DDX31: variants seen among roughly 807,000 people sequenced by gnomAD.
The protein encoded by DDX31 is ATP-dependent DNA helicase DDX31.
DDX31 carries 70 observed loss-of-function variants against 91.3 expected under a neutral mutation model. The ratio of observed to expected loss-of-function variants is 0.77; its 90% confidence interval spans 0.63 to 0.94. DDX31 has a LOEUF of 0.94. Among genes scored for constraint, DDX31 ranks in the 40% least tolerant of loss-of-function variants. DDX31 has a pLI of 0.00. For missense variants in DDX31, 902 were observed against 925.0 expected (o/e 0.98, Z 0.32); for synonymous variants, 362 against 350.6 (o/e 1.03, Z -0.36).
chr9:132,619,464 G>C (rs1230794404), intron 17 of DDX31, among the ~76,000 whole-genome samples: 1 of 152,108 alleles, frequency 6.6e-6, no homozygotes, highest in Non-Finnish European at 1.5e-5. Flanking sequence ...ATGAGCGCCT[G>C]CATCTGGCCT....
intron 17 of DDX31, among the ~76,000 whole-genome samples, chr9:132,619,665 T>G (rs1831884772): frequency 6.6e-6 from 1 of 152,208 alleles, no homozygotes; most frequent in Non-Finnish European, 1.5e-5. Flanking sequence ...CTCGCTGATT[T>G]CACAGTTCAA....
chr9:132,641,128 C>T (rs1375830768), intron 14 of DDX31, among the ~76,000 whole-genome samples: 1 of 152,052 alleles, frequency 6.6e-6, no homozygotes, highest in African/African-American at 2.4e-5. Context: ...CATACAGAGA[C>T]TCTACACTTA....
At chr9:132,607,212 C>T (rs1199488157) in intron 19 of DDX31, among the ~76,000 whole-genome samples, 1 of 152,230 alleles carries the variant, frequency 6.6e-6, no homozygotes, top group African/African-American at 2.4e-5. Context: ...TCCTACTGAT[C>T]AGTGCCTGCT....
chr9:132,669,186 AG>A, intron 1 of DDX31, among the ~76,000 whole-genome samples: 1 of 152,168 alleles, frequency 6.6e-6, no homozygotes, highest in African/African-American at 2.4e-5. Flanking sequence ...TAGGATTGGG[AG>A]GGCCTGGAAG....
chr9:132,662,721 C>G (rs908996953), intron 1 of DDX31, 26 bp from the exon 2 acceptor site: 1 of 1,613,212 alleles, frequency 6.2e-7, no homozygotes, highest in Non-Finnish European at 8.5e-7. Flanking sequence ...AAGGAAAGAT[C>G]AACAAGAGAT....
chr9:132,625,116 G>C (rs1832316469), intron 17 of DDX31, among the ~76,000 whole-genome samples: 1 of 152,188 alleles, frequency 6.6e-6, no homozygotes, highest in African/African-American at 2.4e-5. Flanking sequence ...GCAGGAAAGG[G>C]TGTCCAGGGC....
intron 1 of DDX31, among the ~76,000 whole-genome samples, chr9:132,668,882 T>C (rs1327017276): frequency 1.3e-5 from 2 of 152,224 alleles, no homozygotes; most frequent in East Asian, 1.9e-4. Flanking sequence ...CTTGGTTTTA[T>C]ACATTCTAGA....
chr9:132,669,823 C>G, intron 1 of DDX31, 37 bp downstream of exon 1: 1 of 1,538,826 alleles, frequency 6.5e-7, no homozygotes, highest in Non-Finnish European at 8.7e-7. Flanking sequence ...AGCCGGGCCG[C>G]GGGTGGGGAC....
In DDX31 at chr9:132,610,231, C is replaced by A. The variant is rs189092331; in HGVS notation, c.1994+1856G>T. Among the ~76,000 whole-genome samples, 534 of 152,276 alleles carry A rather than the reference C, an allele frequency of 3.5e-3. 2 individuals carry two copies. The highest frequency in any genetic ancestry group is 6.2e-3 in the Non-Finnish European group (423 of 68,030). On this transcript the variant is annotated intron_variant, in intron 19 of 19. Coordinates refer to ENST00000372159, the MANE Select transcript of DDX31 (RefSeq NM_022779.9). Reference sequence around the variant, plus strand: ...ATGGCCCTCTGGGAGGACAGCCTGGCTCGAGCAGAGGATGAGCAGAAACAT... The same window carrying A: ...ATGGCCCTCTGGGAGGACAGCCTGGATCGAGCAGAGGATGAGCAGAAACAT...
chr9:132,659,066 A>G (rs1834767961), intron 5 of DDX31, among the ~76,000 whole-genome samples: 1 of 152,218 alleles, frequency 6.6e-6, no homozygotes, highest in Non-Finnish European at 1.5e-5. Flanking sequence ...CCTCCTTTGA[A>G]GTCCTCCCTA....
intron 14 of DDX31, among the ~76,000 whole-genome samples, chr9:132,637,671 G>A (rs530232544): frequency 6.6e-5 from 10 of 152,186 alleles, no homozygotes; most frequent in Admixed American, 3.9e-4. Flanking sequence ...ATTGGGCTGC[G>A]TAATCAGAGG....
Position 132,595,738 on chromosome 9 carries a change from G to A in DDX31, c.1995-626C>T, listed in dbSNP as rs1162941511. ...CAGCCTGGTCAATGTCTGCATCTAG[G>A]ATTAGACCAGCAGCTTTCTGCAGCC... On this transcript the variant is annotated intron_variant, in intron 19 of 19. Coordinates refer to ENST00000372159, the MANE Select transcript of DDX31 (RefSeq NM_022779.9). This position sits in a 1 kb window ranked among gnomAD's most constrained non-coding sequence, Gnocchi z 4.6. Among the ~76,000 whole-genome samples, 1 of 152,194 alleles carries A rather than the reference G, an allele frequency of 6.6e-6. No homozygotes were observed. The highest frequency in any genetic ancestry group is 1.5e-5 in the Non-Finnish European group (1 of 68,028).
chr9:132,649,483 G>A (rs143738655), intron 9 of DDX31, among the ~76,000 whole-genome samples: 28 of 152,304 alleles, frequency 1.8e-4, no homozygotes, highest in African/African-American at 6.0e-4. Context: ...AAGACAGAAA[G>A]AGCTTGGTCC....
At position 132,659,722 on chromosome 9, in the gene DDX31, G is replaced by T. The variant is rs1161162581; in HGVS notation, c.511C>A (p.Gln171Lys). The T allele has an allele frequency of 1.9e-6, 3 of 1,611,256 alleles. No homozygotes were observed. The highest frequency in any genetic ancestry group is 2.2e-5 in the East Asian group (1 of 44,848). Residue 171 changes from glutamine (Q) to lysine (K), a missense_variant, in exon 5 of 20, where the codon CAG (glutamine) becomes AAG (lysine). Physicochemically the swap from Gln to Lys is moderately conservative, Grantham distance 53. Coordinates refer to ENST00000372159, the MANE Select transcript of DDX31 (RefSeq NM_022779.9). ...LEGRDALVRS[Q>K]TGSGKTLAYC... The stretch of plus-strand genomic sequence containing the variant: ...AAATGAGACTAACCTGAGCCCGTCT[G>T]GGATCTCACGAGAGCATCTCTGCCT...
At position 132,659,717 on chromosome 9, in the gene DDX31, C is replaced by T. The variant is rs187355736; in HGVS notation, c.516G>A (p.Thr172=). 43 of 1,610,376 alleles carry T rather than the reference C, an allele frequency of 2.7e-5. No individual in the cohort carries two copies. The Admixed American group carries it at 3.5e-4, about 13-fold the overall frequency. Residue 172 remains threonine (T), a synonymous_variant, in exon 5 of 20, where the codon ACG becomes ACA. Transcript: ENST00000372159. The part of the protein sequence containing the change: ...EGRDALVRSQ[T]GSGKTLAYCI... ...AGATGAAATGAGACTAACCTGAGCCCGTCTGGGATCTCACGAGAGCATCTC... is the reference window on the plus strand; with the variant it reads ...AGATGAAATGAGACTAACCTGAGCCTGTCTGGGATCTCACGAGAGCATCTC...
chr9:132,666,305 C>G (rs1321811848), intron 1 of DDX31, among the ~76,000 whole-genome samples: 1 of 151,224 alleles, frequency 6.6e-6, no homozygotes, highest in Non-Finnish European at 1.5e-5. Flanking sequence ...TCCAGACTGT[C>G]TGAAGAAATA....
chr9:132,618,412 G>A lies in DDX31; in HGVS notation c.1743C>T (p.Ile581=). 2 of 1,611,872 alleles carry A rather than the reference G, an allele frequency of 1.2e-6. No homozygotes were observed. Among genetic ancestry groups the A allele is most frequent in the Non-Finnish European group, 1.7e-6 (2 of 1,179,098 alleles). ...QKSHAVGPQE[I]RERATVLQTV... is the part of the protein sequence containing the mutation. ...TCTGCAAGACTGTGGCTCGCTCTCG[G>A]ATTTCCTGGGGGCCAACAGCATGGG... Residue 581 remains isoleucine, a synonymous_variant, in exon 18 of 20, where the codon ATC becomes ATT. Transcript: ENST00000372159.
intron 14 of DDX31, among the ~76,000 whole-genome samples, chr9:132,636,628 C>T (rs1833134798): frequency 6.6e-6 from 1 of 152,202 alleles, no homozygotes; most frequent in African/African-American, 2.4e-5. Context: ...GGCTCTATTT[C>T]CTACCTGGGT....
In DDX31 at chr9:132,652,435, G is replaced by A; in HGVS notation, c.633+13C>T. On this transcript the variant is annotated intron_variant, in intron 7 of 19. Transcript: ENST00000372159. ...ATGTGCTTAAAACTTGTCCCAAAAG[G>A]GAGCCTGCTTACCTCTCTCGTTGGC... The A allele has an allele frequency of 6.2e-7, 1 of 1,614,120 alleles. No individual in the cohort carries two copies. The highest frequency in any genetic ancestry group is 1.1e-5 in the South Asian group (1 of 91,070).
Sources: allele counts gnomAD v4.1 joint callset (sites outside exome capture counted in the v4.1 genomes callset), GRCh38; gene constraint gnomAD v4.1.1; non-coding constraint Gnocchi (gnomAD v3.1); transcripts MANE v1.5; gene names NCBI Gene and HGNC (gene_info 2026-07-23, HGNC 2026-07-21).